Variants in SRPK2 observed in about 807,000 individuals in gnomAD.
SRPK2 encodes the protein SFRS protein kinase 2.
A neutral mutation model predicts 90.8 loss-of-function variants in SRPK2; 21 were observed. That is an observed-to-expected ratio of 0.23 (90% confidence interval 0.16 to 0.33). The LOEUF (loss-of-function observed/expected upper bound fraction) is 0.33, where lower values mean the gene tolerates loss of function less well. Among genes scored for constraint, SRPK2 ranks in the 10% least tolerant of loss-of-function variants. The pLI, the probability that SRPK2 is intolerant of heterozygous loss-of-function variation, is 1.00. For synonymous variants in SRPK2, 288 were observed against 311.1 expected, an observed-to-expected ratio of 0.93 and a Z score of 0.78; for missense variants, 620 against 869.0, an observed-to-expected ratio of 0.71 and a Z score of 3.60.
chr7:105,178,791 A>G (rs1792347489), intron 3 of SRPK2, among the ~76,000 whole-genome samples: 3 of 152,160 alleles, frequency 2.0e-5, no homozygotes, highest in South Asian at 4.1e-4. Context: ...CCTGGGAGAC[A>G]AAGTAAGGCC....
intron 13 of SRPK2, among the ~76,000 whole-genome samples, chr7:105,130,124 G>A (rs1191528280): frequency 1.3e-5 from 2 of 152,194 alleles, no homozygotes; most frequent in Non-Finnish European, 2.9e-5. Flanking sequence ...ACATACCCTT[G>A]CTGTGGTCCC....
intron 2 of SRPK2, chr7:105,298,893 C>G (rs906312811): frequency 2.1e-5 from 12 of 584,998 alleles, no homozygotes; most frequent in Non-Finnish European, 2.2e-5. Flanking sequence ...ACGCCTCATA[C>G]TCTGTTCAGC....
At chr7:105,277,950 G>A (rs1372978365) in intron 2 of SRPK2, among the ~76,000 whole-genome samples, 1 of 152,156 alleles carries the variant, frequency 6.6e-6, no homozygotes, top group African/African-American at 2.4e-5. Flanking sequence ...GAGGATAGAG[G>A]AGCAGGTTAT....
intron 8 of SRPK2, among the ~76,000 whole-genome samples, chr7:105,145,619 A>G (rs1804496141): frequency 6.6e-6 from 1 of 152,260 alleles, no homozygotes; most frequent in African/African-American, 2.4e-5. Context: ...AGAAAATGGA[A>G]AAGAATACAT....
At chr7:105,121,145 C>T (rs1424107678) in intron 15 of SRPK2, among the ~76,000 whole-genome samples, 2 of 152,036 alleles carry the variant, frequency 1.3e-5, no homozygotes, top group Non-Finnish European at 2.9e-5. Flanking sequence ...GTCAGGAGTT[C>T]GAGACCAACC....
chr7:105,196,206 G>A (rs1794894799), intron 3 of SRPK2, among the ~76,000 whole-genome samples: 1 of 152,148 alleles, frequency 6.6e-6, no homozygotes, highest in Non-Finnish European at 1.5e-5. Context: ...ACATAGATAG[G>A]CAGGGTTTCT....
intron 2 of SRPK2, among the ~76,000 whole-genome samples, chr7:105,323,741 A>C (rs920842442): frequency 6.6e-6 from 1 of 152,178 alleles, no homozygotes; most frequent in Non-Finnish European, 1.5e-5. Context: ...ATAACACAGT[A>C]ATTTCCAAAA....
At chr7:105,137,031 G>A (rs148077849) in intron 11 of SRPK2, among the ~76,000 whole-genome samples, 1 of 152,298 alleles carries the variant, frequency 6.6e-6, no homozygotes, top group Non-Finnish European at 1.5e-5. Context: ...GCAGAGAAAG[G>A]AGATGGATAA....
intron 2 of SRPK2, among the ~76,000 whole-genome samples, chr7:105,385,543 AG>A (rs1821475896): frequency 6.6e-6 from 1 of 152,076 alleles, no homozygotes; most frequent in South Asian, 2.1e-4. Flanking sequence ...ATGGCCTACG[AG>A]GGTAGACACG....
At chr7:105,146,729 A>G in intron 7 of SRPK2, 71 bp from the exon 8 acceptor site, 1 of 1,477,838 alleles carries the variant, frequency 6.8e-7, no homozygotes, top group Non-Finnish European at 9.3e-7. Flanking sequence ...TTTATTTGAA[A>G]AACATGTAAT....
chr7:105,340,214 C>T (rs1325914520), intron 2 of SRPK2, among the ~76,000 whole-genome samples: 1 of 151,712 alleles, frequency 6.6e-6, no homozygotes, highest in Admixed American at 6.6e-5. Context: ...AAATTCTGTG[C>T]GAGAAAATAG....
chr7:105,388,957 C>G (rs1822006525), upstream of SRPK2: 1 of 1,153,032 alleles, frequency 8.7e-7, no homozygotes, highest in Non-Finnish European at 1.1e-6. Flanking sequence ...AGCAGGGACC[C>G]AGCAAGACCC....
At chr7:105,153,732 T>C (rs1806095974) in intron 7 of SRPK2, among the ~76,000 whole-genome samples, 1 of 152,192 alleles carries the variant, frequency 6.6e-6, no homozygotes. Flanking sequence ...TGTCTCCTCC[T>C]ACTCTGTGGG....
At chr7:105,364,638 G>A (rs546505978) in intron 2 of SRPK2, among the ~76,000 whole-genome samples, 7 of 151,900 alleles carry the variant, frequency 4.6e-5, no homozygotes, top group African/African-American at 1.5e-4. Context: ...TCCTGATCTC[G>A]TGATCCGCCT....
chr7:105,225,100 G>T (rs934229065), intron 2 of SRPK2, among the ~76,000 whole-genome samples: 1 of 152,148 alleles, frequency 6.6e-6, no homozygotes, highest in Non-Finnish European at 1.5e-5. Context: ...GCTGAGGTGG[G>T]AGGATCACTT....
chr7:105,188,329 A>G lies in SRPK2; in HGVS notation c.229+15299T>C, dbSNP rs77752573. Reference sequence around the variant, plus strand: ...GCTTAGTGATTGCTAAGGGTTGTAGAGGGGAGGAGAATAGGGACTGGCTGT... The same window carrying G: ...GCTTAGTGATTGCTAAGGGTTGTAGGGGGGAGGAGAATAGGGACTGGCTGT... On this transcript the variant is annotated intron_variant, in intron 3 of 15. Coordinates refer to ENST00000393651, the MANE Select transcript of SRPK2 (RefSeq NM_182692.3). 3.1e-3 allele frequency among the ~76,000 whole-genome samples: 471 copies of G among 152,086 alleles called. 14 individuals are homozygous for G. The East Asian group carries it at 0.063, about 20-fold the overall frequency.
chr7:105,352,261 TAACTCCCTTCTAACA>T (rs1459724888), intron 2 of SRPK2, among the ~76,000 whole-genome samples: 1 of 152,226 alleles, frequency 6.6e-6, no homozygotes, highest in Non-Finnish European at 1.5e-5. Context: ...CTGTACCCAG[TAACTCCCTTCTAACA>T]AACGTGGCAG....
At chr7:105,187,061 T>C (rs898875008) in intron 3 of SRPK2, among the ~76,000 whole-genome samples, 1 of 152,218 alleles carries the variant, frequency 6.6e-6, no homozygotes, top group African/African-American at 2.4e-5. Flanking sequence ...AGCTTTGTCT[T>C]TTCTAAATTC....
intron 2 of SRPK2, among the ~76,000 whole-genome samples, chr7:105,334,009 G>A (rs1003162626): frequency 6.6e-6 from 1 of 151,516 alleles, no homozygotes; most frequent in East Asian, 2.0e-4. Flanking sequence ...TGCAACCTCC[G>A]CCTTCCGGTT....
Sources: allele counts gnomAD v4.1 joint callset (sites outside exome capture counted in the v4.1 genomes callset), GRCh38; gene constraint gnomAD v4.1.1; transcripts MANE v1.5; gene names NCBI Gene and HGNC (gene_info 2026-07-23, HGNC 2026-07-21).